The following BDP1 variants were observed in gnomAD, a reference collection of about 807,000 sequenced individuals.
BDP1 encodes BDP1 general transcription factor IIIB subunit.
Under a neutral mutation model 266.6 loss-of-function variants are expected in BDP1, and 169 were observed. The observed-to-expected ratio is 0.63, with a 90% CI of 0.56 to 0.72. The LOEUF (loss-of-function observed/expected upper bound fraction) is 0.72. Ranked by LOEUF, BDP1 falls within the 30% of genes least tolerant of loss-of-function variation. The pLI is 0.00. For missense variants in BDP1, 3,015 were observed against 3,053.8 expected, an observed-to-expected ratio of 0.99 and a Z score of 0.30; for synonymous variants, 1,090 against 1,022.4, an observed-to-expected ratio of 1.07 and a Z score of -1.26.
intron 7 of BDP1, among the ~76,000 whole-genome samples, chr5:71,479,453 T>G (rs904585283): frequency 2.0e-5 from 3 of 152,294 alleles, no homozygotes; most frequent in Admixed American, 6.5e-5. Context: ...TCCTTTAACT[T>G]TTTTGTTTGT....
chr5:71,535,382 T>C (rs1580167212), intron 26 of BDP1, among the ~76,000 whole-genome samples: 2 of 151,926 alleles, frequency 1.3e-5, no homozygotes, highest in Admixed American at 1.3e-4. Context: ...TTTTTGTATT[T>C]TTAGTAGAGA....
At chr5:71,556,481 A>G (rs1743224572) in intron 35 of BDP1, among the ~76,000 whole-genome samples, 1 of 152,106 alleles carries the variant, frequency 6.6e-6, no homozygotes, top group African/African-American at 2.4e-5. Flanking sequence ...TCAAGAATGA[A>G]TATCATTGGG....
the BDP1 span, among the ~76,000 whole-genome samples, chr5:71,576,578 C>A: frequency 2.2e-3 from 330 of 152,334 alleles, 2 homozygotes; most frequent in African/African-American, 7.6e-3. Context: ...TTCCTACCCC[C>A]CTCCATAGAC....
chr5:71,559,006 T>C (rs1263728582), intron 36 of BDP1, among the ~76,000 whole-genome samples: 1 of 149,620 alleles, frequency 6.7e-6, no homozygotes, highest in African/African-American at 2.5e-5. Flanking sequence ...ATACAAAAAT[T>C]AGTTAGGTGT....
chr5:71,489,369 G>T (rs749060436), intron 9 of BDP1, 35 bp from the exon 10 acceptor site: 1 of 1,519,994 alleles, frequency 6.6e-7, no homozygotes. Flanking sequence ...TCTTTAGGTT[G>T]TTTAAATATT....
intron 7 of BDP1, among the ~76,000 whole-genome samples, chr5:71,472,230 G>A (rs1188730570): frequency 6.6e-6 from 1 of 152,246 alleles, no homozygotes; most frequent in African/African-American, 2.4e-5. Context: ...GGAGGCCAAG[G>A]CAGGTGGATC....
chr5:71,486,642 A>C lies in BDP1; in HGVS notation c.1213+15A>C. The C allele has an allele frequency of 1.3e-6, 2 of 1,502,298 alleles. No individual in the cohort carries two copies. The highest frequency in any genetic ancestry group is 1.8e-6 in the Non-Finnish European group (2 of 1,137,752). The allele number at this position is 1,502,298 out of a possible 1,614,324, so 93.1% of individuals were successfully genotyped here. A position where few individuals can be genotyped will look rare whatever the true frequency, so the allele number is the denominator to read the frequency against. On this transcript the variant is annotated intron_variant, in intron 9 of 38. Coordinates refer to ENST00000358731, the MANE Select transcript of BDP1 (RefSeq NM_018429.3). ...AAATGTAAAAGGTATTGATTTTAAAAGGAAGTGTGATAGTTTACTTAGTAG... is the reference window on the plus strand; with the variant it reads ...AAATGTAAAAGGTATTGATTTTAAACGGAAGTGTGATAGTTTACTTAGTAG...
chr5:71,477,503 G>C (rs1357248404), intron 7 of BDP1, among the ~76,000 whole-genome samples: 1 of 152,038 alleles, frequency 6.6e-6, no homozygotes, highest in Non-Finnish European at 1.5e-5. Context: ...AGTTTAATGA[G>C]GCAGCTGGTC....
intron 7 of BDP1, chr5:71,475,644 A>C (rs1372228675): frequency 2.0e-5 from 3 of 152,278 alleles, no homozygotes; most frequent in African/African-American, 4.8e-5. Context: ...AATCTATCTC[A>C]TGTTATTTTT....
rs749116746 is a variant in BDP1, at chr5:71,461,940, A to G, written c.599+14A>G. 7.3e-6 allele frequency: 6 copies of G among 816,424 alleles called. No individual in the cohort carries two copies. Among genetic ancestry groups the G allele is most frequent in the African/African-American group, 3.7e-5 (2 of 53,604 alleles). 50.6% of individuals were successfully genotyped at this position (816,424 alleles called of 1,614,324 possible). ...TAATCCAATGACGTAAGTAAAATTTATTTCTGCTTTACTATCTCTTTTTTT... is the reference window on the plus strand; with the variant it reads ...TAATCCAATGACGTAAGTAAAATTTGTTTCTGCTTTACTATCTCTTTTTTT... On this transcript the variant is annotated intron_variant, in intron 3 of 38. Coordinates refer to ENST00000358731, the MANE Select transcript of BDP1 (RefSeq NM_018429.3).
chr5:71,464,127 T>A lies in BDP1; in HGVS notation c.659+10T>A. The A allele has an allele frequency of 7.2e-6, 11 of 1,520,240 alleles. No individual in the cohort carries two copies. Among genetic ancestry groups the A allele is most frequent in the Non-Finnish European group, 9.8e-6 (11 of 1,117,824 alleles). The allele number at this position is 1,520,240 out of a possible 1,614,324, so 94.2% of individuals were successfully genotyped here. On this transcript the variant is annotated intron_variant, in intron 4 of 38. Transcript: ENST00000358731. ...CAGTCCAGACAAGAGAGTAAGTATT[T>A]TATTTTTGAATATATTCTATTCCTA...
chr5:71,560,272 C>G (rs760595105), intron 37 of BDP1, 35 bp downstream of exon 37: 1 of 1,598,956 alleles, frequency 6.3e-7, no homozygotes, highest in Non-Finnish European at 8.5e-7. Flanking sequence ...GTGTTTTGCT[C>G]TCTGTCTTAA....
intron 1 of BDP1, among the ~76,000 whole-genome samples, chr5:71,457,007 T>C (rs1761231973): frequency 6.6e-6 from 1 of 152,204 alleles, no homozygotes; most frequent in African/African-American, 2.4e-5. Flanking sequence ...TGGTGTTACG[T>C]TGATAGTTCA....
At chr5:71,459,048 T>C (rs1761378285) in intron 2 of BDP1, among the ~76,000 whole-genome samples, 193 bp downstream of exon 2, 1 of 152,250 alleles carries the variant, frequency 6.6e-6, no homozygotes, top group Non-Finnish European at 1.5e-5. Flanking sequence ...TCACTGATAG[T>C]AATTTTTACA....
At chr5:71,487,378 A>T (rs909729579) in intron 9 of BDP1, among the ~76,000 whole-genome samples, 6 of 151,994 alleles carry the variant, frequency 3.9e-5, no homozygotes, top group Non-Finnish European at 8.8e-5. Context: ...AGTAGCTGGG[A>T]TTACAGGTGC....
chr5:71,545,259 T>A, intron 32 of BDP1, 40 bp downstream of exon 32: 1 of 1,534,206 alleles, frequency 6.5e-7, no homozygotes, highest in Non-Finnish European at 8.9e-7. Context: ...AGCAAGGTGT[T>A]TTCCTCCATT....
chr5:71,576,080 G>A, the BDP1 span, among the ~76,000 whole-genome samples: 1 of 152,176 alleles, frequency 6.6e-6, no homozygotes, highest in Non-Finnish European at 1.5e-5. Context: ...TACGCAGGAA[G>A]CTGAGAAACT....
rs752316726 is a variant in BDP1 at position 71,464,040 on chromosome 5, G to A, written c.600-18G>A. 2.1e-6 allele frequency: 3 copies of A among 1,402,344 alleles called. No homozygotes were observed. The highest frequency in any genetic ancestry group is 1.3e-5 in the South Asian group (1 of 75,956). 86.9% of individuals were successfully genotyped at this position (1,402,344 alleles called of 1,614,324 possible). A position where few individuals can be genotyped will look rare whatever the true frequency, so the allele number is the denominator to read the frequency against. On this transcript the variant is annotated intron_variant, in intron 3 of 38. Transcript: ENST00000358731. ...AAATTAATAATTTATTAAAGATATT[G>A]TTATTTATGTTCAATAGTTCTTCAC...
At chr5:71,476,183 A>T (rs906296123) in intron 7 of BDP1, 2 of 153,460 alleles carry the variant, frequency 1.3e-5, no homozygotes, top group Non-Finnish European at 2.9e-5. Context: ...TTGAGAAAAC[A>T]CATCTTGTGA....
Sources: allele counts gnomAD v4.1 joint callset (sites outside exome capture counted in the v4.1 genomes callset), GRCh38; gene constraint gnomAD v4.1.1; transcripts MANE v1.5; gene names NCBI Gene and HGNC (gene_info 2026-07-23, HGNC 2026-07-21).